MIPOL1: variants seen among roughly 807,000 people sequenced by gnomAD.
MIPOL1 encodes the protein mirror-image polydactyly 1.
In MIPOL1, 57 loss-of-function variants were observed where a neutral mutation model predicts 60.9. That is an observed-to-expected ratio of 0.94 (90% CI 0.76 to 1.17). The LOEUF (loss-of-function observed/expected upper bound fraction) is 1.17, where lower values mean the gene tolerates loss of function less well. Among genes scored for constraint, MIPOL1 ranks in the 50% most tolerant of loss-of-function variants. MIPOL1 has a pLI of 0.00. For synonymous variants in MIPOL1, 179 were observed against 168.8 expected, an observed-to-expected ratio of 1.06 and a Z score of -0.47; for missense variants, 551 against 511.6, an observed-to-expected ratio of 1.08 and a Z score of -0.74.
chr14:37,545,991 C>A, intron 12 of MIPOL1: 1 of 215,518 alleles, frequency 4.6e-6, no homozygotes, highest in East Asian at 9.4e-5. Context: ...ATGTGTATAA[C>A]ATCAAGCAAG....
At chr14:37,454,947 G>A (rs942252847) in intron 11 of MIPOL1, among the ~76,000 whole-genome samples, 1 of 152,032 alleles carries the variant, frequency 6.6e-6, no homozygotes, top group African/African-American at 2.4e-5. Context: ...TTCACTGTTT[G>A]TGATAATAAT....
At chr14:37,485,413 C>G (rs1040441107) in intron 11 of MIPOL1, among the ~76,000 whole-genome samples, 5 of 152,184 alleles carry the variant, frequency 3.3e-5, no homozygotes, top group Admixed American at 6.5e-5. Flanking sequence ...GCTACACTGT[C>G]TTCCACAATG....
At chr14:37,283,004 A>G (rs1240235192) in intron 6 of MIPOL1, among the ~76,000 whole-genome samples, 1 of 152,148 alleles carries the variant, frequency 6.6e-6, no homozygotes, top group East Asian at 1.9e-4. Flanking sequence ...AACTACAGAT[A>G]AAACGGGACT....
At chr14:37,332,976 A>G (rs1330129896) in intron 9 of MIPOL1, among the ~76,000 whole-genome samples, 2 of 152,178 alleles carry the variant, frequency 1.3e-5, no homozygotes, top group Non-Finnish European at 2.9e-5. Flanking sequence ...TACTTGCAAT[A>G]CTTTAGCTCA....
At chr14:37,435,769 T>A (rs970312513) in intron 11 of MIPOL1, among the ~76,000 whole-genome samples, 2 of 151,698 alleles carry the variant, frequency 1.3e-5, no homozygotes, top group African/African-American at 4.8e-5. Flanking sequence ...TGTTTGAATT[T>A]AAAAATTTTT....
At chr14:37,330,101 G>A (rs2089539494) in intron 9 of MIPOL1, among the ~76,000 whole-genome samples, 1 of 151,974 alleles carries the variant, frequency 6.6e-6, no homozygotes, top group South Asian at 2.1e-4. Flanking sequence ...AGCCAAATCA[G>A]ACCTTTTATG....
At chr14:37,358,597 G>A (rs188381157) in intron 9 of MIPOL1, among the ~76,000 whole-genome samples, 63 of 152,280 alleles carry the variant, frequency 4.1e-4, no homozygotes, top group Non-Finnish European at 4.0e-4. Flanking sequence ...GTGATGATGA[G>A]CATTTTTTCA....
At chr14:37,357,401 A>T (rs193218945) in intron 9 of MIPOL1, among the ~76,000 whole-genome samples, 1 of 151,700 alleles carries the variant, frequency 6.6e-6, no homozygotes, top group African/African-American at 2.4e-5. Flanking sequence ...CTTTTTCCAC[A>T]TGCTCACCAG....
intron 11 of MIPOL1, among the ~76,000 whole-genome samples, chr14:37,467,727 T>C (rs1164050290): frequency 6.6e-6 from 1 of 152,106 alleles, no homozygotes; most frequent in Non-Finnish European, 1.5e-5. Flanking sequence ...TTTGAGGTGC[T>C]AAAGATAAAA....
chr14:37,413,718 G>A (rs567799883), intron 10 of MIPOL1, among the ~76,000 whole-genome samples: 1 of 152,272 alleles, frequency 6.6e-6, no homozygotes, highest in African/African-American at 2.4e-5. Context: ...ATTACATGTG[G>A]GCATGAGACC....
chr14:37,265,395 G>A (rs927447703), intron 3 of MIPOL1: 1 of 152,150 alleles, frequency 6.6e-6, no homozygotes, highest in Admixed American at 6.6e-5. Flanking sequence ...CACTGTACTA[G>A]AGAGTCTTTG....
At chr14:37,331,728 ATTCT>A (rs772733340) in intron 9 of MIPOL1, among the ~76,000 whole-genome samples, 3 of 152,062 alleles carry the variant, frequency 2.0e-5, no homozygotes, top group Non-Finnish European at 4.4e-5. Flanking sequence ...GATAATTTCA[ATTCT>A]TTCTTTCCAG....
At chr14:37,476,128 G>C (rs1458377449) in intron 11 of MIPOL1, among the ~76,000 whole-genome samples, 1 of 152,006 alleles carries the variant, frequency 6.6e-6, no homozygotes, top group South Asian at 2.1e-4. Context: ...TATTTTATTG[G>C]ATGTATACCT....
In MIPOL1 at chr14:37,379,396, C is replaced by T. The variant is rs557998950; in HGVS notation, c.936+9772C>T. Among the ~76,000 whole-genome samples, 6 of 152,062 alleles carry T rather than the reference C, an allele frequency of 3.9e-5. No homozygotes were observed. The South Asian group carries it at 1.2e-3, about 32-fold the overall frequency. ...AAACATAACTGCAAATTTTTGCGTC[C>T]TTCAGTTAGGCAAAGCTTTCTTAGA... is the stretch of plus-strand genomic sequence containing the variant. On this transcript the variant is annotated intron_variant, in intron 10 of 12. Coordinates refer to ENST00000684589, the MANE Select transcript of MIPOL1 (RefSeq NM_001388067.1).
chr14:37,350,108 G>T (rs1595304965), intron 9 of MIPOL1, among the ~76,000 whole-genome samples: 1 of 152,200 alleles, frequency 6.6e-6, no homozygotes, highest in Admixed American at 6.5e-5. Flanking sequence ...GTCTCACTCT[G>T]TCGACTAAGC....
intron 1 of MIPOL1, among the ~76,000 whole-genome samples, chr14:37,242,877 C>T (rs1016506869): frequency 6.6e-6 from 1 of 152,080 alleles, no homozygotes; most frequent in African/African-American, 2.4e-5. Flanking sequence ...GATGGCCAGG[C>T]AAAACCTTTA....
intron 6 of MIPOL1, among the ~76,000 whole-genome samples, chr14:37,279,302 A>G (rs1181819309): frequency 6.6e-6 from 1 of 150,732 alleles, no homozygotes; most frequent in Non-Finnish European, 1.5e-5. Flanking sequence ...AATAAAAAGA[A>G]AGAAGCATGC....
At chr14:37,220,156 T>C (rs1019881894) in intron 1 of MIPOL1, among the ~76,000 whole-genome samples, 2 of 152,234 alleles carry the variant, frequency 1.3e-5, no homozygotes, top group African/African-American at 2.4e-5. Context: ...GGTATGAGGA[T>C]ATAAGTGTTC....
chr14:37,440,136 T>C (rs982594610), intron 11 of MIPOL1, among the ~76,000 whole-genome samples: 11 of 152,198 alleles, frequency 7.2e-5, no homozygotes, highest in African/African-American at 2.7e-4. Flanking sequence ...CATGAGCCAC[T>C]ACACCTGGCC....
Sources: gnomAD v4.1 joint callset for allele counts (sites outside exome capture counted in the v4.1 genomes callset) on GRCh38, gnomAD v4.1.1 for gene constraint, MANE v1.5 for transcripts, NCBI Gene and HGNC (gene_info 2026-07-23, HGNC 2026-07-21) for gene names.